The following SYNE2 variants were observed in gnomAD, a reference collection of about 807,000 sequenced individuals.
SYNE2 encodes nesprin-2.
Under a neutral mutation model 856.3 loss-of-function variants are expected in SYNE2, and 431 were observed. The ratio of observed to expected loss-of-function variants is 0.50; its 90% CI spans 0.47 to 0.55. SYNE2 has a LOEUF of 0.55. Among genes scored for constraint, SYNE2 ranks in the 20% least tolerant of loss-of-function variants. The pLI is 0.00. For synonymous variants in SYNE2, 2,923 were observed against 2,872.3 expected (o/e 1.02, Z -0.56); for missense variants, 8,129 against 8,023.2 (o/e 1.01, Z -0.50).
rs756063536 is a variant in SYNE2, at chr14:64,053,113, A to T, written c.9200A>T (p.Glu3067Val). ...GATTTGCAAATTAAGAAAATGACTG[A>T]AGTAGTACTAAAAGCTCCTGATAGC... Reference protein sequence around the residue: ...AIDLQIKKMTEVVLKAPDSSP... With the variant: ...AIDLQIKKMTVVVLKAPDSSP... Residue 3067 changes from glutamate to valine, a missense_variant, in exon 48 of 116, where the codon GAA becomes GTA. Transcript: ENST00000555002. 1 of 1,614,078 alleles carries T rather than the reference A, an allele frequency of 6.2e-7. No individual in the cohort carries two copies.
At chr14:64,008,304 C>G (rs2096815731) in intron 31 of SYNE2, among the ~76,000 whole-genome samples, 1 of 152,194 alleles carries the variant, frequency 6.6e-6, no homozygotes, top group African/African-American at 2.4e-5. Flanking sequence ...TGCAAAGTCC[C>G]TTTTGCCTTG....
At chr14:63,829,158 ATTTCAACAGT>A (rs1889572544) in intron 1 of SYNE2, among the ~76,000 whole-genome samples, 1 of 152,128 alleles carries the variant, frequency 6.6e-6, no homozygotes, top group African/African-American at 2.4e-5. Flanking sequence ...CACACTTGTA[ATTTCAACAGT>A]TTAGGAGGTC....
chr14:64,037,569 C>A (rs1255463953), intron 45 of SYNE2, among the ~76,000 whole-genome samples: 1 of 151,196 alleles, frequency 6.6e-6, no homozygotes, highest in African/African-American at 2.4e-5. Flanking sequence ...ATTTCTCAAT[C>A]TTTTCCCCAC....
At chr14:64,110,960 A>G (rs1377032204) in intron 65 of SYNE2, among the ~76,000 whole-genome samples, 1 of 152,116 alleles carries the variant, frequency 6.6e-6, no homozygotes, top group Non-Finnish European at 1.5e-5. Flanking sequence ...GATTCTTTTC[A>G]GGTTCAAATA....
At chr14:63,949,409 A>G (rs2096114040) in intron 6 of SYNE2, among the ~76,000 whole-genome samples, 1 of 152,058 alleles carries the variant, frequency 6.6e-6, no homozygotes, top group African/African-American at 2.4e-5. Context: ...CATGTGTTTG[A>G]CTATCTTTTT....
At chr14:63,853,442 G>T (rs1036099972) in intron 1 of SYNE2, among the ~76,000 whole-genome samples, 5 of 151,518 alleles carry the variant, frequency 3.3e-5, no homozygotes, top group Admixed American at 6.6e-5. Context: ...TCACCTCCGG[G>T]CCCCAGCCCG....
intron 45 of SYNE2, among the ~76,000 whole-genome samples, chr14:64,036,124 A>T (rs1376051674): frequency 6.6e-6 from 1 of 151,490 alleles, no homozygotes; most frequent in Non-Finnish European, 1.5e-5. Context: ...CTCTTTATTG[A>T]GTTCTCATGG....
In SYNE2 at chr14:64,221,678, C is replaced by A; in HGVS notation, c.20164C>A (p.Leu6722Ile). ...VTDPKADPRA[L>I]LECRRELMQL... is the part of the protein sequence containing the mutation. The stretch of plus-strand genomic sequence containing the variant: ...CGATCCAAAGGCAGACCCCCGGGCT[C>A]TCCTAGAGTGTCGGAGGGAACTAAT... The change falls in exon 112 of 116, where the codon CTC (leucine) becomes ATC (isoleucine). Residue 6722 changes from leucine to isoleucine, a missense_variant. By Grantham distance (5) the Leu-to-Ile change is conservative. Around this residue, in one of 3 missense-constraint regions of SYNE2, gnomAD observed 5,410 missense variants for 5,284.8 expected, o/e 1.02. Coordinates refer to ENST00000555002, the MANE Select transcript of SYNE2 (RefSeq NM_182914.3). 1.2e-6 allele frequency: 2 copies of A among 1,614,162 alleles called. No homozygotes were observed. The highest frequency in any genetic ancestry group is 1.7e-6 in the Non-Finnish European group (2 of 1,180,014).
At chr14:64,176,902 A>G (rs895272718) in intron 95 of SYNE2, among the ~76,000 whole-genome samples, 4 of 151,924 alleles carry the variant, frequency 2.6e-5, no homozygotes. Context: ...GGTTCAAGCA[A>G]TTCTCCTGTC....
At chr14:63,859,352 T>C (rs1035114105) in intron 1 of SYNE2, among the ~76,000 whole-genome samples, 7 of 152,200 alleles carry the variant, frequency 4.6e-5, no homozygotes, top group African/African-American at 7.2e-5. Context: ...ATTTTTCCCT[T>C]CTACTTTTGG....
rs768275337 is a variant in SYNE2, at chr14:63,967,715, C to T, written c.997C>T (p.Leu333=). The T allele has an allele frequency of 1.3e-5, 21 of 1,613,818 alleles. No individual in the cohort carries two copies. The highest frequency in any genetic ancestry group is 1.7e-5 in the Non-Finnish European group (20 of 1,179,828). ...DTYFKKYNSL[L]SFMESFNEEK... ...AATACTCTTCTAATTGCAGAGCCTG[C>T]TGTCCTTTATGGAGTCATTCAATGA... The change falls in exon 11 of 116, where the codon CTG becomes TTG. Residue 333 remains leucine, a synonymous_variant. Transcript: ENST00000555002.
intron 11 of SYNE2, among the ~76,000 whole-genome samples, chr14:63,971,095 T>C (rs950240069): frequency 1.3e-5 from 2 of 151,620 alleles, no homozygotes; most frequent in African/African-American, 4.8e-5. Flanking sequence ...TATAAAATTT[T>C]TACAGTCTAC....
At chr14:63,770,605 G>A (rs952975537) in intron 1 of SYNE2, among the ~76,000 whole-genome samples, 1 of 152,116 alleles carries the variant, frequency 6.6e-6, no homozygotes, top group Non-Finnish European at 1.5e-5. Flanking sequence ...TTTGGGACCA[G>A]CCTGGACAAC....
chr14:63,836,341 G>A (rs1052523684), intron 1 of SYNE2, among the ~76,000 whole-genome samples: 4 of 152,052 alleles, frequency 2.6e-5, no homozygotes, highest in African/African-American at 4.8e-5. Context: ...TAGAAGTTAT[G>A]TATTCTCACC....
intron 84 of SYNE2, among the ~76,000 whole-genome samples, chr14:64,148,974 CTCTT>C (rs2098214144): frequency 6.8e-6 from 1 of 147,692 alleles, no homozygotes; most frequent in Non-Finnish European, 1.5e-5. Flanking sequence ...ATGTTAATTT[CTCTT>C]TTTTTTTTTT....
chr14:63,817,317 A>G, intron 1 of SYNE2, among the ~76,000 whole-genome samples: 1 of 151,926 alleles, frequency 6.6e-6, no homozygotes, highest in Non-Finnish European at 1.5e-5. Context: ...CACACACAAA[A>G]TTAGCTGGGC....
chr14:64,021,322 A>C lies in SYNE2; in HGVS notation c.5159A>C (p.Glu1720Ala), dbSNP rs1013597826. ...SEIPLELQVM[E>A]SSILNKMEHV... is the part of the protein sequence containing the mutation. ...TATATTTCATGATTTCAGGTCATGG[A>C]GTCCTCTATTTTGAACAAGATGGAA... The change falls in exon 36 of 116, where the codon GAG (glutamate) becomes GCG (alanine). Residue 1720 changes from glutamate (E) to alanine (A), a missense_variant. Around this residue, in one of 3 missense-constraint regions of SYNE2, gnomAD observed 2,422 missense variants for 2,357.4 expected, o/e 1.03. Coordinates refer to ENST00000555002, the MANE Select transcript of SYNE2 (RefSeq NM_182914.3). 22 of 1,613,252 alleles carry C rather than the reference A, an allele frequency of 1.4e-5. No individual in the cohort carries two copies. Among genetic ancestry groups the C allele is most frequent in the Non-Finnish European group, 1.9e-5 (22 of 1,179,298 alleles).
chr14:64,025,348 T>A lies in SYNE2; in HGVS notation c.6179T>A (p.Ile2060Asn). 1 of 1,614,008 alleles carries A rather than the reference T, an allele frequency of 6.2e-7. No homozygotes were observed. The highest frequency in any genetic ancestry group is 8.5e-7 in the Non-Finnish European group (1 of 1,179,978). ...GATGTAATTCATTGGATAAAAGAGATTAAAGAGTCCCTTATGGTTTTGAAT... is the reference window on the plus strand; with the variant it reads ...GATGTAATTCATTGGATAAAAGAGAATAAAGAGTCCCTTATGGTTTTGAAT... ...AHDVIHWIKEIKESLMVLNSS... is the reference protein window; with the variant it reads ...AHDVIHWIKENKESLMVLNSS... Residue 2060 changes from isoleucine (I) to asparagine (N), a missense_variant, in exon 41 of 116, where the codon ATT becomes AAT. Ile to Asn is a moderately radical substitution (Grantham distance 149). Coordinates refer to ENST00000555002, the MANE Select transcript of SYNE2 (RefSeq NM_182914.3).
intron 84 of SYNE2, among the ~76,000 whole-genome samples, chr14:64,149,140 A>G (rs776790525): frequency 1.3e-5 from 2 of 150,920 alleles, no homozygotes; most frequent in Non-Finnish European, 3.0e-5. Flanking sequence ...CCCAGTCTCT[A>G]CCAAAAAAAA....
Sources: gnomAD v4.1 joint callset for allele counts (sites outside exome capture counted in the v4.1 genomes callset) on GRCh38, gnomAD v4.1.1 for gene constraint, gnomAD v4.1.1 regional missense constraint, MANE v1.5 for transcripts, NCBI Gene and HGNC (gene_info 2026-07-23, HGNC 2026-07-21) for gene names.